Variants in CREB5 observed in about 807,000 individuals in gnomAD.
CREB5 encodes the protein cAMP responsive element binding protein 5.
Under a neutral mutation model 57.1 loss-of-function variants are expected in CREB5, and 19 were observed. The ratio of observed to expected loss-of-function variants is 0.33; its 90% CI spans 0.23 to 0.49. The LOEUF (loss-of-function observed/expected upper bound fraction) is 0.49, where lower values mean the gene tolerates loss of function less well. Among genes scored for constraint, CREB5 ranks in the 20% least tolerant of loss-of-function variants. The pLI is 0.99. For missense variants in CREB5, 579 were observed against 671.6 expected, an observed-to-expected ratio of 0.86 and a Z score of 1.52; for synonymous variants, 238 against 238.3, an observed-to-expected ratio of 1.00 and a Z score of 0.01.
intron 5 of CREB5, among the ~76,000 whole-genome samples, chr7:28,603,104 A>C (rs1796984596): frequency 6.6e-6 from 1 of 152,206 alleles, no homozygotes. Flanking sequence ...TGATTTCCAC[A>C]ATCCTACCAT....
intron 1 of CREB5, among the ~76,000 whole-genome samples, chr7:28,427,898 C>T (rs1047336135): frequency 8.5e-5 from 13 of 152,136 alleles, no homozygotes; most frequent in Non-Finnish European, 1.9e-4. Flanking sequence ...TAGGACTCTT[C>T]CAGGTTCTAA....
At chr7:28,602,446 T>G (rs1054908348) in intron 5 of CREB5, among the ~76,000 whole-genome samples, 6 of 152,160 alleles carry the variant, frequency 3.9e-5, no homozygotes, top group African/African-American at 1.4e-4. Flanking sequence ...TGTCCTTCAG[T>G]GGGTGAATGG....
At chr7:28,791,654 C>G (rs1278945132) in intron 7 of CREB5, among the ~76,000 whole-genome samples, 1 of 152,148 alleles carries the variant, frequency 6.6e-6, no homozygotes, top group Non-Finnish European at 1.5e-5. Context: ...CCCTGGTGAG[C>G]AGTTGCTTAA....
At chr7:28,804,173 C>T (rs1808548285) in intron 7 of CREB5, 26 bp from the exon 8 acceptor site, 1 of 1,600,018 alleles carries the variant, frequency 6.2e-7, no homozygotes, top group Non-Finnish European at 8.6e-7. Context: ...CAGTTGTTCT[C>T]TCTCCTCCCT....
chr7:28,371,480 C>A (rs1278253482), intron 1 of CREB5, among the ~76,000 whole-genome samples: 2 of 118,584 alleles, frequency 1.7e-5, no homozygotes, highest in Non-Finnish European at 3.3e-5. Flanking sequence ...CAGAGTGAGA[C>A]TACTCCATCT....
chr7:28,660,027 T>A (rs1799536949), intron 5 of CREB5, among the ~76,000 whole-genome samples: 1 of 152,116 alleles, frequency 6.6e-6, no homozygotes, highest in Admixed American at 6.6e-5. Context: ...TCAACAATAT[T>A]GAAGAGCAGC....
chr7:28,546,082 A>G (rs931720034), intron 4 of CREB5, among the ~76,000 whole-genome samples: 1 of 152,136 alleles, frequency 6.6e-6, no homozygotes, highest in African/African-American at 2.4e-5. Flanking sequence ...ACCAGAATCT[A>G]CTTTCTGTAT....
chr7:28,392,820 A>C, intron 1 of CREB5, among the ~76,000 whole-genome samples: 1 of 152,218 alleles, frequency 6.6e-6, no homozygotes, highest in East Asian at 1.9e-4. Flanking sequence ...GTCTCATGAC[A>C]TGATTTCAGC....
Position 28,524,288 on chromosome 7 carries a change from C to A in CREB5, c.291+16551C>A, listed in dbSNP as rs1474080387. ...GGTCAGAAGTTCAAGACTAGCCTGG[C>A]CAACATGGTGAAACCTCGCCTCTAC... On this transcript the variant is annotated intron_variant, in intron 4 of 10. Transcript: ENST00000357727. Among the ~76,000 whole-genome samples, 3 of 150,360 alleles carry A rather than the reference C, an allele frequency of 2.0e-5. No individual in the cohort carries two copies. The Admixed American group carries it at 2.0e-4, about 10-fold the overall frequency.
rs565654167 is a variant in CREB5, at chr7:28,650,597, C to G, written c.465-68156C>G. On this transcript the variant is annotated intron_variant, in intron 5 of 10. Coordinates refer to ENST00000357727, the MANE Select transcript of CREB5 (RefSeq NM_182898.4). Reference sequence around the variant, plus strand: ...TAAGAATTAGCCTAGTGCTTCCCCCCCCAACCTTCCATAGGAAATTAATGT... The same window carrying G: ...TAAGAATTAGCCTAGTGCTTCCCCCGCCAACCTTCCATAGGAAATTAATGT... Among the ~76,000 whole-genome samples, 27 of 152,156 alleles carry G rather than the reference C, an allele frequency of 1.8e-4. No individual in the cohort carries two copies. The South Asian group carries it at 3.7e-3, about 21-fold the overall frequency.
chr7:28,415,936 C>T (rs544400518), intron 1 of CREB5, among the ~76,000 whole-genome samples: 10 of 152,102 alleles, frequency 6.6e-5, no homozygotes, highest in South Asian at 2.1e-4. Flanking sequence ...TTGGAGGTGA[C>T]GAGAAGTGAA....
intron 1 of CREB5, among the ~76,000 whole-genome samples, chr7:28,458,217 C>T (rs1339277428): frequency 6.6e-6 from 1 of 152,064 alleles, no homozygotes. Flanking sequence ...GATGCCTGAC[C>T]ATATAGTACT....
At chr7:28,696,975 T>G (rs1319822014) in intron 5 of CREB5, among the ~76,000 whole-genome samples, 1 of 151,880 alleles carries the variant, frequency 6.6e-6, no homozygotes, top group Non-Finnish European at 1.5e-5. Flanking sequence ...ATATATATAT[T>G]TGTGTGTATA....
At chr7:28,370,589 G>C (rs1786685877) in intron 1 of CREB5, among the ~76,000 whole-genome samples, 1 of 152,176 alleles carries the variant, frequency 6.6e-6, no homozygotes, top group East Asian at 1.9e-4. Context: ...AATTACTTTT[G>C]GGGAAAATAT....
In CREB5 at chr7:28,494,892, T is replaced by TA. The variant is rs397696722; in HGVS notation, c.76-13dup. On this transcript the variant is annotated splice_polypyrimidine_tract_variant and intron_variant, in intron 2 of 10. Coordinates refer to ENST00000357727, the MANE Select transcript of CREB5 (RefSeq NM_182898.4). ...TCCTCTTCTCCCCTCCCTTTTTTTT[T>TA]ATTCGTCCGACAGCGCTTCCCAACA... 3 of 1,553,356 alleles carry TA rather than the reference T, an allele frequency of 1.9e-6. No individual in the cohort carries two copies. The highest frequency in any genetic ancestry group is 2.3e-5 in the Admixed American group (1 of 44,386).
At chr7:28,768,152 G>T (rs549215384) in intron 7 of CREB5, among the ~76,000 whole-genome samples, 2 of 152,208 alleles carry the variant, frequency 1.3e-5, no homozygotes, top group South Asian at 2.1e-4. Flanking sequence ...GAGTCTGAGG[G>T]GCATGTTCCA....
In CREB5 at chr7:28,313,524, A is replaced by G. The variant is rs80264474; in HGVS notation, c.-25+14083A>G. On this transcript the variant is annotated intron_variant, in intron 1 of 9. Transcript: ENST00000396299. ...GATACTATGGCAAAAACCTCAAGCC[A>G]TTCTAAGGAGGAAAGAATCTGATCT... Among the ~76,000 whole-genome samples the G allele has an allele frequency of 3.4e-4, 52 of 152,316 alleles. No individual in the cohort carries two copies. In the East Asian group the frequency reaches 7.9e-3, roughly 23 times the overall value.
chr7:28,481,213 T>C (rs1177374341), intron 1 of CREB5, among the ~76,000 whole-genome samples: 2 of 152,166 alleles, frequency 1.3e-5, no homozygotes, highest in Non-Finnish European at 2.9e-5. Flanking sequence ...GTGGGCCTCA[T>C]TGGAAGGGAA....
At chr7:28,381,629 T>C (rs1158340222) in intron 1 of CREB5, among the ~76,000 whole-genome samples, 1 of 152,244 alleles carries the variant, frequency 6.6e-6, no homozygotes, top group Non-Finnish European at 1.5e-5. Context: ...TCTGCCCTCA[T>C]TGTTTAATAA....
Sources: gnomAD v4.1 joint callset for allele counts (sites outside exome capture counted in the v4.1 genomes callset) on GRCh38, gnomAD v4.1.1 for gene constraint, MANE v1.5 for transcripts, NCBI Gene and HGNC (gene_info 2026-07-23, HGNC 2026-07-21) for gene names.